Variants in PHACTR3 observed in about 807,000 individuals in gnomAD.
PHACTR3 encodes protein phosphatase 1, regulatory subunit 123.
In PHACTR3, 16 loss-of-function variants were observed where a neutral mutation model predicts 66.8. The observed-to-expected ratio is 0.24, with a 90% CI of 0.16 to 0.36. The LOEUF is 0.36. Among genes scored for constraint, PHACTR3 ranks in the 10% least tolerant of loss-of-function variants. The probability of loss-of-function intolerance (pLI) is 1.00; values close to 1 mark genes in which losing one functional copy is unlikely to be tolerated. For missense variants in PHACTR3, 647 were observed against 719.9 expected (o/e 0.90, Z 1.16); for synonymous variants, 323 against 292.1 (o/e 1.11, Z -1.08).
intron 8 of PHACTR3, among the ~76,000 whole-genome samples, chr20:59,827,150 C>T (rs1260877569): frequency 3.9e-5 from 6 of 152,132 alleles, no homozygotes; most frequent in Admixed American, 6.5e-5. Context: ...GGCATGTTCA[C>T]GGTGGGGTTG....
Position 59,736,520 on chromosome 20 carries a change from G to A in PHACTR3, c.119-6587G>A, listed in dbSNP as rs2084511129. Among the ~76,000 whole-genome samples the A allele has an allele frequency of 6.6e-6, 1 of 151,422 alleles. No individual in the cohort carries two copies. Among genetic ancestry groups the A allele is most frequent in the South Asian group, 2.1e-4 (1 of 4,766 alleles). On this transcript the variant is annotated intron_variant, in intron 1 of 12. Transcript: ENST00000371015. The surrounding 1 kb of genome is among the most constrained non-coding windows in gnomAD (Gnocchi z 4.6). ...ACGCCCATGCACACTGGCTCCGCAG[G>A]TGCTCACCCGCCCACCCGTGTAGGT...
rs539843038 is a variant in PHACTR3 at position 59,624,057 on chromosome 20, G to A, written c.118+18925G>A. 6.0e-4 allele frequency among the ~76,000 whole-genome samples: 92 copies of A among 152,218 alleles called. 1 individual carries two copies. Among genetic ancestry groups the A allele is most frequent in the Middle Eastern group, 6.8e-3 (2 of 294 alleles). ...AGTGGTTGGGAGCTGCTGGTGTGTC[G>A]CCTCTCGATTTGGAGGGTGGGGACA... On this transcript the variant is annotated intron_variant, in intron 1 of 12. Coordinates refer to ENST00000371015, the MANE Select transcript of PHACTR3 (RefSeq NM_080672.5).
intron 1 of PHACTR3, among the ~76,000 whole-genome samples, chr20:59,712,997 T>C (rs1237084803): frequency 1.3e-5 from 2 of 152,258 alleles, no homozygotes. Context: ...AAACATTCCG[T>C]TGAGATATGA....
intron 1 of PHACTR3, among the ~76,000 whole-genome samples, chr20:59,644,610 C>G (rs573912625): frequency 2.0e-5 from 3 of 152,140 alleles, no homozygotes; most frequent in South Asian, 2.1e-4. Flanking sequence ...TTTGGCGGTA[C>G]GAGACAGAAG....
chr20:59,705,641 G>A (rs1183811301), intron 1 of PHACTR3, among the ~76,000 whole-genome samples: 1 of 152,144 alleles, frequency 6.6e-6, no homozygotes, highest in Non-Finnish European at 1.5e-5. Flanking sequence ...AACAATGAAA[G>A]GGGTGCTTCC....
upstream of PHACTR3, among the ~76,000 whole-genome samples, chr20:59,604,103 G>T (rs576728435): frequency 6.6e-6 from 1 of 151,492 alleles, no homozygotes; most frequent in Non-Finnish European, 1.5e-5. Context: ...GCGAGGGTTC[G>T]GAGGGTCCGG....
At chr20:59,591,256 C>T (rs1363365591) in intron 1 of PHACTR3, among the ~76,000 whole-genome samples, 3 of 152,216 alleles carry the variant, frequency 2.0e-5, no homozygotes, top group Non-Finnish European at 4.4e-5. Context: ...CCGAAGGCAC[C>T]TGCTCCTCCC....
In PHACTR3 at chr20:59,806,134, C is replaced by G; in HGVS notation, c.1268C>G (p.Pro423Arg). The G allele has an allele frequency of 6.2e-7, 1 of 1,614,236 alleles. No individual in the cohort carries two copies. The highest frequency in any genetic ancestry group is 1.1e-5 in the South Asian group (1 of 91,088). Reference protein sequence around the residue: ...KQELEDRNIFPRRTDEERQEI... With the variant: ...KQELEDRNIFRRRTDEERQEI... Reference sequence around the variant, plus strand: ...GAACTAGAAGACCGGAACATTTTCCCCAGAAGGACTGATGAAGAAAGACAG... The same window carrying G: ...GAACTAGAAGACCGGAACATTTTCCGCAGAAGGACTGATGAAGAAAGACAG... Residue 423 changes from proline (P) to arginine (R), a missense_variant, in exon 8 of 13, where the codon CCC (proline) becomes CGC (arginine). Pro to Arg is a moderately radical substitution (Grantham distance 103). Transcript: ENST00000371015.
chr20:59,596,369 G>A (rs932192673), intron 1 of PHACTR3, among the ~76,000 whole-genome samples: 2 of 152,032 alleles, frequency 1.3e-5, no homozygotes, highest in African/African-American at 2.4e-5. Context: ...CTTGAACTTC[G>A]GACCTCAAGA....
intron 11 of PHACTR3, among the ~76,000 whole-genome samples, chr20:59,841,879 C>T (rs1378062595): frequency 6.6e-6 from 1 of 152,010 alleles, no homozygotes; most frequent in Admixed American, 6.6e-5. Flanking sequence ...TACCAAATGT[C>T]AAGACTGTGG....
At chr20:59,662,981 T>C (rs1012748367) in intron 1 of PHACTR3, among the ~76,000 whole-genome samples, 2 of 152,080 alleles carry the variant, frequency 1.3e-5, no homozygotes, top group Non-Finnish European at 2.9e-5. Context: ...AGGCCAGAGG[T>C]CTGAAGTCAA....
At chr20:59,836,254 C>T (rs1159035932) in intron 8 of PHACTR3, 1 of 466,514 alleles carries the variant, frequency 2.1e-6, no homozygotes, top group Non-Finnish European at 3.7e-6. Flanking sequence ...AAAATGAAGA[C>T]CTGCACATGT....
chr20:59,777,159 G>A (rs1255059905), intron 7 of PHACTR3, among the ~76,000 whole-genome samples: 1 of 152,156 alleles, frequency 6.6e-6, no homozygotes, highest in Non-Finnish European at 1.5e-5. Flanking sequence ...GCACATAGCT[G>A]CCTCCTCTCC....
chr20:59,688,080 T>C (rs565931348), intron 1 of PHACTR3, among the ~76,000 whole-genome samples: 2 of 152,344 alleles, frequency 1.3e-5, no homozygotes, highest in African/African-American at 4.8e-5. Context: ...CACTGACTTG[T>C]TTCCATTGCA....
intron 7 of PHACTR3, among the ~76,000 whole-genome samples, chr20:59,784,016 C>T (rs1052408119): frequency 6.6e-6 from 1 of 152,164 alleles, no homozygotes; most frequent in African/African-American, 2.4e-5. Flanking sequence ...GCTGTTCCAC[C>T]CAGCTATTGA....
chr20:59,742,426 A>C (rs1424390014), intron 1 of PHACTR3, among the ~76,000 whole-genome samples: 1 of 152,130 alleles, frequency 6.6e-6, no homozygotes, highest in Non-Finnish European at 1.5e-5. Context: ...TGGACAAGGA[A>C]GGGGTCCAGG....
At chr20:59,747,633 C>A in intron 2 of PHACTR3, 125 bp from the exon 3 acceptor site, 1 of 1,098,608 alleles carries the variant, frequency 9.1e-7, no homozygotes, top group Non-Finnish European at 1.3e-6. Context: ...GGCCCCCTAA[C>A]CCCGAGGCGC....
chr20:59,839,070 A>G (rs557917062), intron 9 of PHACTR3, among the ~76,000 whole-genome samples: 9 of 152,174 alleles, frequency 5.9e-5, no homozygotes, highest in African/African-American at 1.9e-4. Context: ...CTTTGTTTCA[A>G]TCTTTTCACA....
At chr20:59,687,351 C>T (rs1427669236) in intron 1 of PHACTR3, among the ~76,000 whole-genome samples, 1 of 151,846 alleles carries the variant, frequency 6.6e-6, no homozygotes, top group African/African-American at 2.4e-5. Context: ...GATGTTGTTA[C>T]CTTGTAGTAG....
Sources: allele counts gnomAD v4.1 joint callset (sites outside exome capture counted in the v4.1 genomes callset), GRCh38; gene constraint gnomAD v4.1.1; non-coding constraint Gnocchi (gnomAD v3.1); transcripts MANE v1.5; gene names NCBI Gene and HGNC (gene_info 2026-07-23, HGNC 2026-07-21).